The following MTCL3 variants were observed in gnomAD, a reference collection of about 807,000 sequenced individuals.
The protein encoded by MTCL3 is microtubule cross-linking factor 3.
At chr6:127,496,596 T>A in the MTCL3 span, among the ~76,000 whole-genome samples, 1 of 152,196 alleles carries the variant, frequency 6.6e-6, no homozygotes. Flanking sequence ...AATAAAAACA[T>A]ATATCCACCA....
the MTCL3 span, among the ~76,000 whole-genome samples, chr6:127,477,823 C>A: frequency 2.2e-4 from 34 of 152,160 alleles, no homozygotes; most frequent in African/African-American, 7.2e-4. Context: ...GCTATCTCCC[C>A]TTTACCGATA....
chr6:127,507,709 G>A, the MTCL3 span, among the ~76,000 whole-genome samples: 1 of 151,880 alleles, frequency 6.6e-6, no homozygotes, highest in Non-Finnish European at 1.5e-5. Flanking sequence ...CGGGCATAGT[G>A]GCGTGTGCCA....
At chr6:127,514,952 C>T in the MTCL3 span, 5 of 1,614,146 alleles carry the variant, frequency 3.1e-6, no homozygotes, top group Non-Finnish European at 4.2e-6. Context: ...TGGCTCTCTC[C>T]AACTCGTGGC....
chr6:127,481,411 G>T, the MTCL3 span: 13 of 985,384 alleles, frequency 1.3e-5, no homozygotes, highest in African/African-American at 1.7e-5. Flanking sequence ...TGATATCATG[G>T]TCTTGGCTGT....
chr6:127,511,656 A>G, the MTCL3 span, among the ~76,000 whole-genome samples: 1 of 152,212 alleles, frequency 6.6e-6, no homozygotes, highest in Non-Finnish European at 1.5e-5. Flanking sequence ...ATATTTTTCT[A>G]CTATAGCACA....
chr6:127,515,785 T>C, the MTCL3 span: 2 of 1,607,604 alleles, frequency 1.2e-6, no homozygotes. This position sits in a 1 kb window ranked among gnomAD's most constrained non-coding sequence, Gnocchi z 4.3. Context: ...AGCGTGCATC[T>C]GAGCCGCGGC....
chr6:127,499,970 C>T, the MTCL3 span, among the ~76,000 whole-genome samples: 1 of 152,078 alleles, frequency 6.6e-6, no homozygotes, highest in Non-Finnish European at 1.5e-5. Flanking sequence ...TTTCACTGGC[C>T]TCTATAATAC....
chr6:127,518,822 A>G, the MTCL3 span: 1 of 152,254 alleles, frequency 6.6e-6, no homozygotes, highest in East Asian at 1.9e-4. Context: ...AGAGCGGGTG[A>G]CTTCCCGGCG....
chr6:127,507,842 C>CAAAAAAAAAA, the MTCL3 span, among the ~76,000 whole-genome samples: 79 of 82,058 alleles, frequency 9.6e-4, no homozygotes, highest in East Asian at 2.4e-3. Context: ...GACTATGTCT[C>CAAAAAAAAAA]AAAAAAAAAA....
chr6:127,516,850 G>A, the MTCL3 span: 3 of 671,724 alleles, frequency 4.5e-6, no homozygotes, highest in African/African-American at 5.5e-5. Flanking sequence ...AGGATGGAGG[G>A]CTGTCAATTC....
chr6:127,505,593 A>C, the MTCL3 span, among the ~76,000 whole-genome samples: 1 of 152,204 alleles, frequency 6.6e-6, no homozygotes, highest in South Asian at 2.1e-4. Context: ...TGAGTGATGA[A>C]ATAATCTGTA....
At chr6:127,508,349 A>G in the MTCL3 span, among the ~76,000 whole-genome samples, 1 of 152,222 alleles carries the variant, frequency 6.6e-6, no homozygotes, top group Non-Finnish European at 1.5e-5. Flanking sequence ...CCATTTGTAA[A>G]GAGAATCTGG....
the MTCL3 span, among the ~76,000 whole-genome samples, chr6:127,476,907 A>G: frequency 2.6e-5 from 4 of 152,354 alleles, no homozygotes; most frequent in Middle Eastern, 3.4e-3. The surrounding 1 kb of genome is among the most constrained non-coding windows in gnomAD (Gnocchi z 4.4). Context: ...TTTTACAAAT[A>G]TGAACCTAAT....
chr6:127,494,373 GAAA>G, the MTCL3 span, among the ~76,000 whole-genome samples: 20 of 150,680 alleles, frequency 1.3e-4, no homozygotes, highest in Middle Eastern at 3.4e-3. Flanking sequence ...TCAGAAAGAA[GAAA>G]AAAAAATAGA....
chr6:127,484,609 G>A, the MTCL3 span, among the ~76,000 whole-genome samples: 1 of 152,102 alleles, frequency 6.6e-6, no homozygotes, highest in East Asian at 1.9e-4. Context: ...TGTTTATTTA[G>A]TGACTACCAA....
the MTCL3 span, among the ~76,000 whole-genome samples, chr6:127,500,061 C>T: frequency 0.014 from 2,065 of 152,206 alleles, 64 homozygotes; most frequent in African/African-American, 0.047. Flanking sequence ...GCCTTGCCAG[C>T]CCTGGTTTGT....
At chr6:127,477,197 A>G in the MTCL3 span, among the ~76,000 whole-genome samples, 16 of 152,252 alleles carry the variant, frequency 1.1e-4, no homozygotes, top group South Asian at 2.1e-4. Flanking sequence ...TAAGTTTTCC[A>G]TCTAGATCAC....
chr6:127,516,636 G>A, the MTCL3 span: 67 of 1,588,878 alleles, frequency 4.2e-5, no homozygotes, highest in Admixed American at 6.9e-5. Context: ...TACCAGATGC[G>A]ATTTGGAAGA....
the MTCL3 span, among the ~76,000 whole-genome samples, chr6:127,495,196 C>CAAAAAA: frequency 7.3e-6 from 1 of 137,326 alleles, no homozygotes. Context: ...GACTCCATCT[C>CAAAAAA]AAAAAAAAAA....
Sources: allele counts gnomAD v4.1 joint callset (sites outside exome capture counted in the v4.1 genomes callset), GRCh38; gene constraint gnomAD v4.1.1; non-coding constraint Gnocchi (gnomAD v3.1); transcripts MANE v1.5; gene names NCBI Gene and HGNC (gene_info 2026-07-23, HGNC 2026-07-21).